LHFPL3: variants seen among roughly 807,000 people sequenced by gnomAD.
LHFPL3 encodes the protein LHFPL tetraspan subfamily member 3.
In LHFPL3, 5 loss-of-function variants were observed where a neutral mutation model predicts 19.3. That is an observed-to-expected ratio of 0.26 (90% CI 0.14 to 0.54). The LOEUF (loss-of-function observed/expected upper bound fraction) is 0.54, where lower values mean the gene tolerates loss of function less well. LHFPL3 is among the 20% of genes least tolerant of loss of function. LHFPL3 has a pLI of 0.94. For synonymous variants in LHFPL3, 133 were observed against 126.2 expected (o/e 1.05, Z -0.36); for missense variants, 249 against 307.4 (o/e 0.81, Z 1.42).
chr7:104,657,125 C>T (rs562029194), intron 1 of LHFPL3, among the ~76,000 whole-genome samples: 27 of 152,192 alleles, frequency 1.8e-4, no homozygotes, highest in Non-Finnish European at 4.0e-4. Flanking sequence ...ACATGCTAAG[C>T]GGTCTTATAA....
intron 1 of LHFPL3, among the ~76,000 whole-genome samples, chr7:104,580,871 ATTT>A (rs1224706278): frequency 6.6e-6 from 1 of 151,948 alleles, no homozygotes; most frequent in Non-Finnish European, 1.5e-5. Flanking sequence ...TATCACAATT[ATTT>A]TTTATCTTGA....
intron 2 of LHFPL3, among the ~76,000 whole-genome samples, chr7:104,795,583 G>A (rs1218850618): frequency 6.6e-6 from 1 of 152,204 alleles, no homozygotes; most frequent in Non-Finnish European, 1.5e-5. Flanking sequence ...CAAAGCAACT[G>A]TCAGTCTCAG....
chr7:104,335,567 C>G (rs1374363041), intron 1 of LHFPL3, among the ~76,000 whole-genome samples: 5 of 151,972 alleles, frequency 3.3e-5, no homozygotes, highest in Non-Finnish European at 7.4e-5. Context: ...ATAACCGGTC[C>G]CATATAACCC....
chr7:104,465,160 C>A (rs1792753287), intron 1 of LHFPL3, among the ~76,000 whole-genome samples: 1 of 152,144 alleles, frequency 6.6e-6, no homozygotes, highest in Non-Finnish European at 1.5e-5. Context: ...CCATCTGAAA[C>A]CACCTCAGCC....
chr7:104,663,099 A>G (rs2115996245), intron 1 of LHFPL3, among the ~76,000 whole-genome samples: 1 of 152,330 alleles, frequency 6.6e-6, no homozygotes, highest in Admixed American at 6.5e-5. Context: ...GTAAAATAAA[A>G]CATTATAACC....
intron 2 of LHFPL3, among the ~76,000 whole-genome samples, chr7:104,885,758 G>A (rs1792135358): frequency 6.6e-6 from 1 of 151,970 alleles, no homozygotes. Flanking sequence ...GTCTTACAAT[G>A]TAATTCTCAT....
At chr7:104,554,767 G>T (rs1396792843) in intron 1 of LHFPL3, among the ~76,000 whole-genome samples, 1 of 152,134 alleles carries the variant, frequency 6.6e-6, no homozygotes, top group Non-Finnish European at 1.5e-5. Context: ...CCCACAATAG[G>T]CTGTCTGTAA....
At chr7:104,888,357 C>A (rs1270248704) in intron 2 of LHFPL3, among the ~76,000 whole-genome samples, 1 of 151,982 alleles carries the variant, frequency 6.6e-6, no homozygotes, top group Non-Finnish European at 1.5e-5. Context: ...ATAGCAAGAC[C>A]CAATCTCTAC....
chr7:104,726,528 T>C (rs1281773976), intron 1 of LHFPL3, among the ~76,000 whole-genome samples: 1 of 152,122 alleles, frequency 6.6e-6, no homozygotes, highest in African/African-American at 2.4e-5. Context: ...TGTTCACCCC[T>C]GTGTCTATGT....
At chr7:104,455,497 G>T (rs1313352254) in intron 1 of LHFPL3, among the ~76,000 whole-genome samples, 1 of 152,176 alleles carries the variant, frequency 6.6e-6, no homozygotes, top group Admixed American at 6.5e-5. Context: ...GAGGTGGTTG[G>T]ACTGCCTGAG....
rs770874923 is a variant in LHFPL3, at chr7:104,906,486, G to GA, written c.*276dup. The GA allele has an allele frequency of 4.4e-6, 2 of 454,940 alleles. No homozygotes were observed. The highest frequency in any genetic ancestry group is 7.7e-6 in the Non-Finnish European group (2 of 258,654). 28.2% of individuals were successfully genotyped at this position (454,940 alleles called of 1,614,324 possible). A position where few individuals can be genotyped will look rare whatever the true frequency, so the allele number is the denominator to read the frequency against. ...TTGGATGAGATCAGAAAACGTTCAT[G>GA]AAAAATCATATTCAGGAAATAAGGA... On this transcript the variant is annotated 3_prime_UTR_variant, in exon 3 of 3. Coordinates refer to ENST00000424859, the MANE Select transcript of LHFPL3 (RefSeq NM_199000.3).
intron 2 of LHFPL3, among the ~76,000 whole-genome samples, chr7:104,841,672 C>T (rs1443705157): frequency 4.6e-5 from 7 of 152,090 alleles, no homozygotes; most frequent in Admixed American, 2.6e-4. Flanking sequence ...ATCTCTCTAC[C>T]TCTCTTCTCT....
chr7:104,586,225 T>A (rs915682363), intron 1 of LHFPL3, among the ~76,000 whole-genome samples: 3 of 152,120 alleles, frequency 2.0e-5, no homozygotes, highest in African/African-American at 7.2e-5. Flanking sequence ...GATGGGGTAG[T>A]TCTAATGGAG....
intron 2 of LHFPL3, among the ~76,000 whole-genome samples, chr7:104,900,281 AT>A (rs567425803): frequency 1.1e-4 from 17 of 152,326 alleles, no homozygotes; most frequent in Non-Finnish European, 1.9e-4. Context: ...CTTTTAATAT[AT>A]TTCACAGTGT....
intron 1 of LHFPL3, among the ~76,000 whole-genome samples, chr7:104,620,342 A>T (rs528122764): frequency 2.0e-5 from 3 of 152,282 alleles, no homozygotes; most frequent in Admixed American, 1.3e-4. Flanking sequence ...TATAAAGGTG[A>T]TTGTTAAGAG....
At chr7:104,524,978 G>C (rs1441180904) in intron 1 of LHFPL3, among the ~76,000 whole-genome samples, 1 of 152,134 alleles carries the variant, frequency 6.6e-6, no homozygotes, top group Non-Finnish European at 1.5e-5. Context: ...TGGCTTTCTA[G>C]AGATGGGAAA....
At chr7:104,801,585 T>C (rs566932538) in intron 2 of LHFPL3, among the ~76,000 whole-genome samples, 2 of 152,310 alleles carry the variant, frequency 1.3e-5, no homozygotes, top group East Asian at 3.9e-4. Flanking sequence ...TTGTTTTTGT[T>C]TTTGAGATGG....
chr7:104,370,006 T>A (rs759686212), intron 1 of LHFPL3, among the ~76,000 whole-genome samples: 7 of 152,236 alleles, frequency 4.6e-5, no homozygotes, highest in Non-Finnish European at 1.0e-4. Context: ...ATATAAAGAA[T>A]ATTAATTGTG....
Position 104,427,898 on chromosome 7 carries a change from C to T in LHFPL3, c.445+98674C>T, listed in dbSNP as rs147107013. On this transcript the variant is annotated intron_variant, in intron 1 of 2. Transcript: ENST00000424859. The stretch of plus-strand genomic sequence containing the variant: ...ATCAGTTTTTGCTGGTGATGAGCAT[C>T]AGGAATGAGAAATATCACCGGCAGT... 1.5e-3 allele frequency among the ~76,000 whole-genome samples: 236 copies of T among 152,298 alleles called. 1 individual carries two copies. The highest frequency in any genetic ancestry group is 5.3e-3 in the African/African-American group (222 of 41,560).
Sources: allele counts gnomAD v4.1 joint callset (sites outside exome capture counted in the v4.1 genomes callset), GRCh38; gene constraint gnomAD v4.1.1; transcripts MANE v1.5; gene names NCBI Gene and HGNC (gene_info 2026-07-23, HGNC 2026-07-21).